The following FSIP2 variants were observed in gnomAD, a reference collection of about 807,000 sequenced individuals.
FSIP2 encodes the protein fibrous sheath interacting protein 2, also known as fibrous sheath-interacting protein 2.
Under a neutral mutation model 510.5 loss-of-function variants are expected in FSIP2, and 367 were observed. The ratio of observed to expected loss-of-function variants is 0.72; its 90% CI spans 0.66 to 0.78. FSIP2 has a LOEUF of 0.78. Ranked by LOEUF, FSIP2 falls within the 30% of genes least tolerant of loss-of-function variation. FSIP2 has a pLI of 0.00. For missense variants in FSIP2, 7,594 were observed against 7,901.7 expected, an observed-to-expected ratio of 0.96 and a Z score of 1.48; for synonymous variants, 2,601 against 2,732.2, an observed-to-expected ratio of 0.95 and a Z score of 1.50.
Position 185,814,009 on chromosome 2 carries a change from C to T in FSIP2, c.20292C>T (p.Ala6764=). The change falls in exon 18 of 23, where the codon GCC becomes GCT. Residue 6764 remains alanine, a synonymous_variant. Transcript: ENST00000424728. ...MATPKTMPET[A]SSSWEEKPQC... ...CACCAAAGACGATGCCTGAAACAGC[C>T]TCTTCATCTTGGGAGGAAAAGCCCC... The T allele has an allele frequency of 6.2e-7, 1 of 1,612,900 alleles. No homozygotes were observed. The highest frequency in any genetic ancestry group is 2.2e-5 in the East Asian group (1 of 44,800).
At position 185,807,599 on chromosome 2, in the gene FSIP2, C is replaced by A. The variant is rs1693616937; in HGVS notation, c.18293C>A (p.Ser6098Ter). 6.2e-7 allele frequency: 1 copy of A among 1,612,442 alleles called. No individual in the cohort carries two copies. The highest frequency in any genetic ancestry group is 1.7e-5 in the Admixed American group (1 of 59,832). The change falls in exon 17 of 23, where the codon TCA (serine) becomes TAA (stop). Residue 6098 changes from serine (S) to a stop codon, truncating the protein, a stop_gained. Transcript: ENST00000424728. LOFTEE classifies it high-confidence loss of function. Reference protein sequence around the residue: ...VYNNLLPQFGSQEIIQNCVTS... With the variant: ...VYNNLLPQFG ...AATAATCTCTTGCCACAGTTTGGAT[C>A]ACAAGAGATTATACAAAATTGTGTA...
chr2:185,794,158 T>G lies in FSIP2; in HGVS notation c.7022T>G (p.Ile2341Ser). Residue 2341 changes from isoleucine to serine, a missense_variant, in exon 16 of 23, where the codon ATT becomes AGT. Ile to Ser is a moderately radical substitution (Grantham distance 142). Transcript: ENST00000424728. ...VGRREKLGSTIHLSQARLKTY... is the reference protein window; with the variant it reads ...VGRREKLGSTSHLSQARLKTY... The stretch of plus-strand genomic sequence containing the variant: ...CGCAGAGAAAAACTTGGATCCACAA[T>G]TCACCTATCGCAAGCTAGGCTTAAG... The G allele has an allele frequency of 6.5e-7, 1 of 1,533,838 alleles. No homozygotes were observed. The highest frequency in any genetic ancestry group is 8.7e-7 in the Non-Finnish European group (1 of 1,145,436).
rs142291244 is a variant in FSIP2 at position 185,803,245 on chromosome 2, A to G, written c.13939A>G (p.Ile4647Val). 4.6e-6 allele frequency: 7 copies of G among 1,526,880 alleles called. No homozygotes were observed. The highest frequency in any genetic ancestry group is 2.5e-5 in the East Asian group (1 of 40,800). 94.6% of individuals were successfully genotyped at this position (1,526,880 alleles called of 1,614,324 possible). A position where few individuals can be genotyped will look rare whatever the true frequency, so the allele number is the denominator to read the frequency against. The part of the protein sequence containing the change: ...RVVGIVQTKS[I>V]RDSEDELFEK... Reference sequence around the variant, plus strand: ...AGTAGGCATTGTACAAACAAAATCCATAAGAGATTCAGAAGATGAACTGTT... The same window carrying G: ...AGTAGGCATTGTACAAACAAAATCCGTAAGAGATTCAGAAGATGAACTGTT... Residue 4647 changes from isoleucine to valine, a missense_variant, in exon 17 of 23, where the codon ATA becomes GTA. By Grantham distance (29) the Ile-to-Val change is conservative. Coordinates refer to ENST00000424728, the MANE Select transcript of FSIP2 (RefSeq NM_173651.4).
At position 185,825,929 on chromosome 2, in the gene FSIP2, T is replaced by G. The variant is rs371664778; in HGVS notation, c.20473+1449T>G. On this transcript the variant is annotated intron_variant, in intron 20 of 22. Coordinates refer to ENST00000424728, the MANE Select transcript of FSIP2 (RefSeq NM_173651.4). ...CACATAATGATGTTTTGGTCAATGATGGACCAGTATAAAATAGTGGTCCCA... is the reference window on the plus strand; with the variant it reads ...CACATAATGATGTTTTGGTCAATGAGGGACCAGTATAAAATAGTGGTCCCA... Among the ~76,000 whole-genome samples the G allele has an allele frequency of 3.3e-5, 5 of 151,930 alleles. No individual in the cohort carries two copies. In the South Asian group the frequency reaches 1.0e-3, roughly 32 times the overall value.
rs746997223 is a variant in FSIP2 at position 185,789,195 on chromosome 2, A to G, written c.2059A>G (p.Lys687Glu). 1.3e-6 allele frequency: 2 copies of G among 1,534,408 alleles called. No individual in the cohort carries two copies. Among genetic ancestry groups the G allele is most frequent in the South Asian group, 1.2e-5 (1 of 83,992 alleles). Residue 687 changes from lysine to glutamate, a missense_variant, in exon 16 of 23, where the codon AAG becomes GAG. By Grantham distance (56) the Lys-to-Glu change is moderately conservative. Transcript: ENST00000424728. ...AACAGCAAAAGCCATGGATGAAATG[A>G]AGAATTTAAAAAATGTTTTTGTTAA... is the stretch of plus-strand genomic sequence containing the variant. Reference protein sequence around the residue: ...DKTAKAMDEMKNLKNVFVNFK... With the variant: ...DKTAKAMDEMENLKNVFVNFK...
At chr2:185,738,434 GA>G (rs749822152), upstream of FSIP2, 3 of 625,648 alleles carry the variant, frequency 4.8e-6, no homozygotes, top group Non-Finnish European at 8.2e-6. Context: ...GGTGTGGGAA[GA>G]AGCTGTGGGA....
Position 185,804,037 on chromosome 2 carries a change from T to C in FSIP2, c.14731T>C (p.Phe4911Leu). The C allele has an allele frequency of 6.6e-7, 1 of 1,507,404 alleles. No individual in the cohort carries two copies. Among genetic ancestry groups the C allele is most frequent in the Non-Finnish European group, 8.9e-7 (1 of 1,129,548 alleles). The allele number at this position is 1,507,404 out of a possible 1,614,324, so 93.4% of individuals were successfully genotyped here. A position where few individuals can be genotyped will look rare whatever the true frequency, so the allele number is the denominator to read the frequency against. ...AATCTTTAACCATCATATTCAATCA[T>C]TTTTATCTGAAGATAAAACTCTCCT... ...KEIFNHHIQS[F>L]LSEDKTLLLA... The change falls in exon 17 of 23, where the codon TTT becomes CTT. Residue 4911 changes from phenylalanine (F) to leucine (L), a missense_variant. Physicochemically the swap from Phe to Leu is conservative, Grantham distance 22 (BLOSUM62 0). Transcript: ENST00000424728.
At chr2:185,761,920 T>G in intron 10 of FSIP2, 52 bp from the exon 11 acceptor site, 1 of 953,674 alleles carries the variant, frequency 1.0e-6, no homozygotes, top group Non-Finnish European at 1.6e-6. Context: ...GAATCTTTTT[T>G]GGAAGTACAG....
rs114699838 is a variant in FSIP2 at position 185,800,171 on chromosome 2, A to T, written c.10865A>T (p.Asp3622Val). ...GTACTGTCCAAAGAAATAGAAGTAG[A>T]TTATCACTTTGAAAGCAATGTAAGA... The part of the protein sequence containing the change: ...IHVLSKEIEV[D>V]YHFESNVRNK... Residue 3622 changes from aspartate (D) to valine (V), a missense_variant, in exon 17 of 23, where the codon GAT (aspartate) becomes GTT (valine). Coordinates refer to ENST00000424728, the MANE Select transcript of FSIP2 (RefSeq NM_173651.4). The T allele has an allele frequency of 1.6e-4, 246 of 1,533,194 alleles. 1 individual carries two copies. The highest frequency in any genetic ancestry group is 1.1e-3 in the Admixed American group (57 of 50,718). The allele number at this position is 1,533,194 out of a possible 1,614,324, so 95.0% of individuals were successfully genotyped here.
At chr2:185,752,141 CTT>C (rs1315930679) in intron 7 of FSIP2, among the ~76,000 whole-genome samples, 3 of 150,864 alleles carry the variant, frequency 2.0e-5, no homozygotes, top group Non-Finnish European at 4.4e-5. Context: ...CTGCAAAAGA[CTT>C]ATACTTTATT....
Position 185,802,322 on chromosome 2 carries a change from T to G in FSIP2, c.13016T>G (p.Val4339Gly). The G allele has an allele frequency of 6.5e-7, 1 of 1,533,830 alleles. No individual in the cohort carries two copies. Residue 4339 changes from valine to glycine, a missense_variant, in exon 17 of 23, where the codon GTA (valine) becomes GGA (glycine). Physicochemically the swap from Val to Gly is moderately radical, Grantham distance 109 (BLOSUM62 -3). Coordinates refer to ENST00000424728, the MANE Select transcript of FSIP2 (RefSeq NM_173651.4). ...IELKNMTQRI[V>G]NSINRHFNKA... is the part of the protein sequence containing the mutation. ...TTGAAAAACATGACCCAAAGAATAGTAAACTCCATAAATAGGCATTTCAAT... is the reference window on the plus strand; with the variant it reads ...TTGAAAAACATGACCCAAAGAATAGGAAACTCCATAAATAGGCATTTCAAT...
In FSIP2 at chr2:185,792,137, A is replaced by C. The variant is rs769048363; in HGVS notation, c.5001A>C (p.Thr1667=). The C allele has an allele frequency of 2.6e-6, 4 of 1,533,636 alleles. No homozygotes were observed. In the South Asian group the frequency reaches 4.8e-5, roughly 18 times the overall value. ...ELNVTSSDLK[T]SVENPPPETQ... is the part of the protein sequence containing the mutation. ...ATGTGACCTCATCAGATTTGAAGAC[A>C]AGTGTAGAAAACCCACCACCTGAGA... is the stretch of plus-strand genomic sequence containing the variant. Residue 1667 remains threonine, a synonymous_variant, in exon 16 of 23, where the codon ACA becomes ACC. Transcript: ENST00000424728.
At chr2:185,798,523 C>T (rs1693352878) in intron 16 of FSIP2, among the ~76,000 whole-genome samples, 1 of 151,776 alleles carries the variant, frequency 6.6e-6, no homozygotes, top group African/African-American at 2.4e-5. Context: ...AGATCTAGGT[C>T]AGTAGTTTCA....
chr2:185,762,085 TTTAAG>T (rs1304371531), intron 11 of FSIP2, 68 bp downstream of exon 11: 3 of 729,608 alleles, frequency 4.1e-6, no homozygotes, highest in African/African-American at 1.8e-5. Context: ...TATTATATAT[TTTAAG>T]TTGTTTTATC....
In FSIP2 at chr2:185,794,222, T is replaced by TA. The variant is rs1318121647; in HGVS notation, c.7087dup (p.Ile2363AsnfsTer2). 2 of 1,534,354 alleles carry TA rather than the reference T, an allele frequency of 1.3e-6. No homozygotes were observed. The highest frequency in any genetic ancestry group is 1.7e-6 in the Non-Finnish European group (2 of 1,145,668). Reference sequence around the variant, plus strand: ...TCATTGCCAGTGCCATTTTGAAGCTTATTAAAAATGACTTAGACTTAGAAA... The same window carrying TA: ...TCATTGCCAGTGCCATTTTGAAGCTTAATTAAAAATGACTTAGACTTAGAAA... On this transcript the variant is annotated frameshift_variant, in exon 16 of 23. Transcript: ENST00000424728. LOFTEE classifies it high-confidence loss of function.
At position 185,806,463 on chromosome 2, in the gene FSIP2, A is replaced by C. The variant is rs1437708519; in HGVS notation, c.17157A>C (p.Gln5719His). Residue 5719 changes from glutamine (Q) to histidine (H), a missense_variant, in exon 17 of 23, where the codon CAA (glutamine) becomes CAC (histidine). Transcript: ENST00000424728. ...PPGDNVLNVI[Q>H]EISRDSAQSV... ...GTGATAATGTATTAAATGTAATTCA[A>C]GAGATTAGCAGGGATTCGGCACAGT... 4 of 1,611,296 alleles carry C rather than the reference A, an allele frequency of 2.5e-6. No homozygotes were observed. The highest frequency in any genetic ancestry group is 1.3e-5 in the African/African-American group (1 of 74,718).
intron 13 of FSIP2, among the ~76,000 whole-genome samples, chr2:185,767,336 AAAT>A (rs1692509561): frequency 6.6e-6 from 1 of 151,940 alleles, no homozygotes; most frequent in African/African-American, 2.4e-5. Context: ...AAAAATAAAA[AAAT>A]AAAAAATAAA....
intron 16 of FSIP2, 41 bp from the exon 17 acceptor site, chr2:185,799,656 T>A: frequency 1.0e-6 from 1 of 974,878 alleles, no homozygotes; most frequent in Non-Finnish European, 1.4e-6. Context: ...TTCTATATTT[T>A]CTTTAATCCA....
intron 13 of FSIP2, among the ~76,000 whole-genome samples, chr2:185,772,865 TTTTTTC>T (rs1455873232): frequency 6.6e-6 from 1 of 151,962 alleles, no homozygotes; most frequent in Non-Finnish European, 1.5e-5. Flanking sequence ...TTGTTTTTGT[TTTTTTC>T]TTTTTCTTTT....
Sources: allele counts gnomAD v4.1 joint callset (sites outside exome capture counted in the v4.1 genomes callset), GRCh38; gene constraint gnomAD v4.1.1; transcripts MANE v1.5; gene names NCBI Gene and HGNC (gene_info 2026-07-23, HGNC 2026-07-21).